Variants in RAP1A observed in about 807,000 individuals in gnomAD.
The protein encoded by RAP1A is RAP1A, member of RAS oncogene family.
Under a neutral mutation model 26.4 loss-of-function variants are expected in RAP1A, and 6 were observed. The observed-to-expected ratio is 0.23, with a 90% CI of 0.12 to 0.45. The LOEUF (loss-of-function observed/expected upper bound fraction) is 0.45, where lower values mean the gene tolerates loss of function less well. RAP1A is among the 20% of genes least tolerant of loss of function. RAP1A has a pLI of 0.99. For missense variants in RAP1A, 121 were observed against 217.2 expected (o/e 0.56, Z 2.78); for synonymous variants, 73 against 79.4 (o/e 0.92, Z 0.43).
intron 1 of RAP1A, chr1:111,602,406 G>C (rs748769307): frequency 1.6e-4 from 24 of 152,172 alleles, no homozygotes; most frequent in Non-Finnish European, 2.9e-5. Context: ...GCTTGTAATG[G>C]AGGATTAAAT....
chr1:111,563,210 G>A (rs1436853295), intron 1 of RAP1A, among the ~76,000 whole-genome samples: 1 of 152,066 alleles, frequency 6.6e-6, no homozygotes, highest in Non-Finnish European at 1.5e-5. Context: ...AGGAGGTTGA[G>A]GCCACGATGA....
intron 1 of RAP1A, among the ~76,000 whole-genome samples, chr1:111,597,709 A>AG (rs1379799799): frequency 2.4e-4 from 36 of 152,208 alleles, no homozygotes; most frequent in South Asian, 2.1e-4. Context: ...TTTCATAAAG[A>AG]AAGGGGAGAA....
intron 1 of RAP1A, among the ~76,000 whole-genome samples, chr1:111,575,155 C>CTTTCT (rs1425568127): frequency 6.8e-6 from 1 of 146,572 alleles, no homozygotes; most frequent in African/African-American, 2.5e-5. Flanking sequence ...TTCTTTCTTT[C>CTTTCT]TTTTTTTTTT....
Position 111,637,451 on chromosome 1 carries a change from T to C in RAP1A, c.-28+17517T>C, listed in dbSNP as rs191781124. Among the ~76,000 whole-genome samples, 28 of 152,344 alleles carry C rather than the reference T, an allele frequency of 1.8e-4. 1 individual carries two copies. The highest frequency in any genetic ancestry group is 1.7e-3 in the Admixed American group (26 of 15,304). ...TATGTATTGTATGTATATCTGTGTT[T>C]TATGCACTAAAAGAATAAGAATTAT... On this transcript the variant is annotated intron_variant, in intron 1 of 7. Transcript: ENST00000369709.
chr1:111,671,577 C>T (rs774741570), intron 1 of RAP1A, among the ~76,000 whole-genome samples: 4 of 152,072 alleles, frequency 2.6e-5, no homozygotes, highest in African/African-American at 9.7e-5. Context: ...CTGGTTCAAG[C>T]GATTCTTGTG....
At chr1:111,712,001 A>C (rs569149953) in intron 7 of RAP1A, among the ~76,000 whole-genome samples, 37 of 152,304 alleles carry the variant, frequency 2.4e-4, no homozygotes, top group African/African-American at 8.4e-4. Flanking sequence ...ATAATCATAA[A>C]ATGCTTGAAT....
chr1:111,708,798 A>C (rs1662281060), intron 6 of RAP1A, among the ~76,000 whole-genome samples: 1 of 152,152 alleles, frequency 6.6e-6, no homozygotes, highest in Non-Finnish European at 1.5e-5. Flanking sequence ...TGTGTAGTAA[A>C]AGTGGCAAAA....
intron 1 of RAP1A, among the ~76,000 whole-genome samples, chr1:111,655,242 A>G (rs1263319069): frequency 8.4e-6 from 1 of 118,808 alleles, no homozygotes; most frequent in Non-Finnish European, 1.8e-5. Context: ...CTGAAAAAAA[A>G]GAAAAAAAAA....
intron 1 of RAP1A, among the ~76,000 whole-genome samples, chr1:111,614,651 G>A (rs569438978): frequency 5.0e-4 from 76 of 152,290 alleles, no homozygotes; most frequent in African/African-American, 1.8e-3. Flanking sequence ...TGAACTTCAT[G>A]TTAGAAAAGT....
chr1:111,624,684 A>G (rs1280850430), intron 1 of RAP1A, among the ~76,000 whole-genome samples: 2 of 152,186 alleles, frequency 1.3e-5, no homozygotes, highest in Admixed American at 6.5e-5. Context: ...GCATATACAC[A>G]TGCACCAATA....
chr1:111,620,799 TGCC>T (rs745331420), intron 1 of RAP1A, among the ~76,000 whole-genome samples: 3 of 152,188 alleles, frequency 2.0e-5, no homozygotes, highest in Non-Finnish European at 4.4e-5. Flanking sequence ...GAGTATCTCT[TGCC>T]CCCTTAATCA....
chr1:111,607,020 T>TTTAC (rs1658799014), intron 1 of RAP1A, among the ~76,000 whole-genome samples: 1 of 151,194 alleles, frequency 6.6e-6, no homozygotes, highest in Admixed American at 6.6e-5. Context: ...TATTTATTTA[T>TTTAC]TTATTTATTT....
At chr1:111,676,218 T>C (rs1661118645) in intron 1 of RAP1A, among the ~76,000 whole-genome samples, 1 of 151,992 alleles carries the variant, frequency 6.6e-6, no homozygotes, top group African/African-American at 2.4e-5. Flanking sequence ...TAGCCAGGCA[T>C]GGTGGTGGGC....
chr1:111,618,329 AT>A (rs1317263132), upstream of RAP1A, among the ~76,000 whole-genome samples: 1 of 152,136 alleles, frequency 6.6e-6, no homozygotes, highest in Non-Finnish European at 1.5e-5. Flanking sequence ...TATCTTACTA[AT>A]TTCAGCAGTA....
In RAP1A at chr1:111,637,056, T is replaced by C. The variant is rs921292639; in HGVS notation, c.-28+17122T>C. Reference sequence around the variant, plus strand: ...GTGATAGGGCTAGGGTGCTGTATTTTACTCCTGTGATCCTCAGATGATTCT... The same window carrying C: ...GTGATAGGGCTAGGGTGCTGTATTTCACTCCTGTGATCCTCAGATGATTCT... On this transcript the variant is annotated intron_variant, in intron 1 of 7. Coordinates refer to ENST00000369709, the MANE Select transcript of RAP1A (RefSeq NM_002884.4). 2.6e-5 allele frequency among the ~76,000 whole-genome samples: 4 copies of C among 152,300 alleles called. No individual in the cohort carries two copies. The East Asian group carries it at 5.8e-4, about 22-fold the overall frequency.
At chr1:111,574,967 A>G (rs146704696) in intron 1 of RAP1A, among the ~76,000 whole-genome samples, 1 of 152,374 alleles carries the variant, frequency 6.6e-6, no homozygotes, top group African/African-American at 2.4e-5. Flanking sequence ...CCACAAACAT[A>G]TATGTTTTAT....
intron 1 of RAP1A, among the ~76,000 whole-genome samples, chr1:111,583,091 A>G (rs10494136): frequency 0.79 from 120,181 of 152,032 alleles, 50,346 homozygotes; most frequent in Non-Finnish European, 0.91. Flanking sequence ...GTATTTCCGG[A>G]TCACAGAGCA....
chr1:111,633,484 A>G (rs1375058680), intron 1 of RAP1A, among the ~76,000 whole-genome samples: 1 of 152,226 alleles, frequency 6.6e-6, no homozygotes, highest in Non-Finnish European at 1.5e-5. Context: ...GAATCTTATA[A>G]TCAGACACAC....
intron 1 of RAP1A, among the ~76,000 whole-genome samples, chr1:111,571,212 T>G (rs887851864): frequency 6.6e-6 from 1 of 152,198 alleles, no homozygotes; most frequent in Non-Finnish European, 1.5e-5. Context: ...AATAGCCAAA[T>G]GGAAGAGATG....
Sources: allele counts gnomAD v4.1 joint callset (sites outside exome capture counted in the v4.1 genomes callset), GRCh38; gene constraint gnomAD v4.1.1; transcripts MANE v1.5; gene names NCBI Gene and HGNC (gene_info 2026-07-23, HGNC 2026-07-21).